ADAM32: variants seen among roughly 807,000 people sequenced by gnomAD.
ADAM32 encodes disintegrin and metalloproteinase domain-containing protein 32.
Under a neutral mutation model 114.9 loss-of-function variants are expected in ADAM32, and 89 were observed. The observed-to-expected ratio is 0.77, with a 90% CI of 0.65 to 0.92. The LOEUF (loss-of-function observed/expected upper bound fraction) is 0.92, where lower values mean the gene tolerates loss of function less well. ADAM32 is among the 40% of genes least tolerant of loss of function. ADAM32 has a pLI of 0.00. For missense variants in ADAM32, 870 were observed against 932.8 expected (o/e 0.93, Z 0.88); for synonymous variants, 285 against 307.5 (o/e 0.93, Z 0.77).
chr8:39,260,591 A>G (rs1332274683), intron 19 of ADAM32, among the ~76,000 whole-genome samples: 1 of 152,120 alleles, frequency 6.6e-6, no homozygotes, highest in African/African-American at 2.4e-5. Flanking sequence ...TTGCATCACA[A>G]ATATAAATCC....
intron 17 of ADAM32, among the ~76,000 whole-genome samples, chr8:39,252,486 A>G (rs577748510): frequency 4.0e-5 from 6 of 151,694 alleles, no homozygotes; most frequent in East Asian, 3.9e-4. Context: ...ATTAAAAAGA[A>G]TAAAGATTTC....
At chr8:39,281,386 G>T (rs1181325979) in intron 23 of ADAM32, among the ~76,000 whole-genome samples, 1 of 152,040 alleles carries the variant, frequency 6.6e-6, no homozygotes, top group Non-Finnish European at 1.5e-5. Flanking sequence ...TTTGTTGATT[G>T]CCTACTCTTG....
At chr8:39,184,003 G>C (rs2129447035) in intron 10 of ADAM32, among the ~76,000 whole-genome samples, 1 of 152,300 alleles carries the variant, frequency 6.6e-6, no homozygotes, top group Middle Eastern at 3.4e-3. Flanking sequence ...CCTATCTCCA[G>C]TTTACTGGCT....
Position 39,265,869 on chromosome 8 carries a change from TC to T in ADAM32, c.2163-5004del, listed in dbSNP as rs1311640890. Among the ~76,000 whole-genome samples the T allele has an allele frequency of 2.6e-5, 4 of 152,230 alleles. No individual in the cohort carries two copies. The East Asian group carries it at 7.7e-4, about 29-fold the overall frequency. ...TAAGGTAGGTGTGGTGGTAGCAAAT[TC>T]CCTTAGCATTGACTTGTTTGAAAAA... On this transcript the variant is annotated intron_variant, in intron 19 of 24. Coordinates refer to ENST00000379907, the MANE Select transcript of ADAM32 (RefSeq NM_145004.7).
At chr8:39,231,948 G>T in intron 14 of ADAM32, 79 bp from the exon 15 acceptor site, 1 of 1,130,596 alleles carries the variant, frequency 8.8e-7, no homozygotes, top group South Asian at 1.3e-5. Flanking sequence ...GAGAGATAAA[G>T]GGAATATTAT....
chr8:39,272,544 T>TTAAG, intron 20 of ADAM32, among the ~76,000 whole-genome samples: 1 of 152,248 alleles, frequency 6.6e-6, no homozygotes, highest in Non-Finnish European at 1.5e-5. Flanking sequence ...CTGTAACTGA[T>TTAAG]TAAGTATGTA....
At chr8:39,275,233 G>A (rs1016081969) in intron 21 of ADAM32, among the ~76,000 whole-genome samples, 2 of 152,196 alleles carry the variant, frequency 1.3e-5, no homozygotes, top group Non-Finnish European at 2.9e-5. Context: ...ATAAGCTGAT[G>A]TGGCTTATGA....
intron 11 of ADAM32, among the ~76,000 whole-genome samples, chr8:39,204,364 G>A (rs181740524): frequency 4.6e-5 from 7 of 151,880 alleles, no homozygotes; most frequent in Admixed American, 6.6e-5. Flanking sequence ...CTTCTTTCTC[G>A]CTTCATTTCA....
At chr8:39,245,979 T>A in intron 16 of ADAM32, 104 bp from the exon 17 acceptor site, 1 of 902,300 alleles carries the variant, frequency 1.1e-6, no homozygotes, top group Non-Finnish European at 1.8e-6. Flanking sequence ...AAAATTTGTA[T>A]CATTGAATGG....
chr8:39,183,001 C>T (rs769770487), intron 10 of ADAM32, among the ~76,000 whole-genome samples: 3 of 152,132 alleles, frequency 2.0e-5, no homozygotes, highest in Admixed American at 6.5e-5. Flanking sequence ...GGCTGTGCTC[C>T]GTGGTCTAGT....
rs548341332 is a variant in ADAM32, at chr8:39,131,249, C to T, written c.139-5408C>T. On this transcript the variant is annotated intron_variant, in intron 2 of 24. Transcript: ENST00000379907. Reference sequence around the variant, plus strand: ...GGGATTACAGGCGTGAGCCACCGTGCCTGGCCAGGAGGATCTCTTGAGGCC... The same window carrying T: ...GGGATTACAGGCGTGAGCCACCGTGTCTGGCCAGGAGGATCTCTTGAGGCC... Among the ~76,000 whole-genome samples, 5 of 152,264 alleles carry T rather than the reference C, an allele frequency of 3.3e-5. No individual in the cohort carries two copies. The East Asian group carries it at 9.7e-4, about 29-fold the overall frequency.
At position 39,203,331 on chromosome 8, in the gene ADAM32, A is replaced by G. The variant is rs1455955173; in HGVS notation, c.1053-7813A>G. The stretch of plus-strand genomic sequence containing the variant: ...CTGGGTGCTCCTGTATTGGGTGCAT[A>G]TATATTTAGGATAGTTAGCTCTTCT... On this transcript the variant is annotated intron_variant, in intron 11 of 24. Coordinates refer to ENST00000379907, the MANE Select transcript of ADAM32 (RefSeq NM_145004.7). Among the ~76,000 whole-genome samples, 13 of 152,154 alleles carry G rather than the reference A, an allele frequency of 8.5e-5. 1 individual carries two copies. In the South Asian group the frequency reaches 1.5e-3, roughly 17 times the overall value.
chr8:39,151,623 A>C, intron 6 of ADAM32, 75 bp downstream of exon 6: 1 of 1,071,156 alleles, frequency 9.3e-7, no homozygotes, highest in East Asian at 3.0e-5. Context: ...AAATAAATTT[A>C]TAAGCCCACT....
At chr8:39,245,945 T>A in intron 16 of ADAM32, 138 bp from the exon 17 acceptor site, 1 of 647,156 alleles carries the variant, frequency 1.5e-6, no homozygotes, top group East Asian at 2.9e-5. Flanking sequence ...CCTTCTGGAA[T>A]GCAGCAAAAG....
intron 23 of ADAM32, among the ~76,000 whole-genome samples, chr8:39,283,296 G>T (rs1813549127): frequency 6.6e-6 from 1 of 151,082 alleles, no homozygotes; most frequent in South Asian, 2.1e-4. Flanking sequence ...TGTAGCCTTA[G>T]ATATTTGGGA....
At position 39,127,376 on chromosome 8, in the gene ADAM32, G is replaced by A. The variant is rs941323097; in HGVS notation, c.138+9211G>A. Among the ~76,000 whole-genome samples the A allele has an allele frequency of 3.3e-5, 5 of 152,222 alleles. No individual in the cohort carries two copies. The South Asian group carries it at 1.0e-3, about 32-fold the overall frequency. ...TCAGAACTTGTTATTGGTCTATTCA[G>A]GGATTTAGTTTCTTCCTGGTTCAGT... On this transcript the variant is annotated intron_variant, in intron 2 of 24. Transcript: ENST00000379907.
At chr8:39,108,064 G>T in intron 1 of ADAM32, 1 of 491,576 alleles carries the variant, frequency 2.0e-6, no homozygotes, top group Non-Finnish European at 3.4e-6. Flanking sequence ...CGAGCTGATT[G>T]TTTGACCTCG....
At position 39,204,057 on chromosome 8, in the gene ADAM32, C is replaced by A. The variant is rs1208547267; in HGVS notation, c.1053-7087C>A. ...TAACCGGACCCGTCTCTCTGGCTGC[C>A]CTTAACATTTTTTCCTTCATTTCAA... On this transcript the variant is annotated intron_variant, in intron 11 of 24. Transcript: ENST00000379907. 7.2e-5 allele frequency among the ~76,000 whole-genome samples: 11 copies of A among 152,272 alleles called. No individual in the cohort carries two copies. In the East Asian group the frequency reaches 1.9e-3, roughly 27 times the overall value.
At chr8:39,260,399 T>C (rs1051411688) in intron 19 of ADAM32, among the ~76,000 whole-genome samples, 2 of 152,152 alleles carry the variant, frequency 1.3e-5, no homozygotes, top group Admixed American at 1.3e-4. Context: ...GTTTTATTCT[T>C]GATCTTAGGC....
Sources: gnomAD v4.1 joint callset for allele counts (sites outside exome capture counted in the v4.1 genomes callset) on GRCh38, gnomAD v4.1.1 for gene constraint, MANE v1.5 for transcripts, NCBI Gene and HGNC (gene_info 2026-07-23, HGNC 2026-07-21) for gene names.